The following DENND11 variants were observed in gnomAD, a reference collection of about 807,000 sequenced individuals.
DENND11 encodes the protein DENN domain containing 11.
DENND11 carries 34 observed loss-of-function variants against 49.2 expected under a neutral mutation model. That is an observed-to-expected ratio of 0.69 (90% confidence interval 0.53 to 0.92). The LOEUF is 0.92. DENND11 is among the 40% of genes least tolerant of loss of function. DENND11 has a pLI of 0.00. For synonymous variants in DENND11, 238 were observed against 230.3 expected (o/e 1.03, Z -0.30); for missense variants, 475 against 581.6 (o/e 0.82, Z 1.88).
chr7:141,665,805 G>A (rs1797885820), intron 5 of DENND11, among the ~76,000 whole-genome samples: 1 of 151,924 alleles, frequency 6.6e-6, no homozygotes, highest in Admixed American at 6.6e-5. Context: ...AACGCCCACA[G>A]GTCCCGACCC....
intron 1 of DENND11, among the ~76,000 whole-genome samples, chr7:141,694,927 C>T (rs1222543608): frequency 6.6e-6 from 1 of 152,182 alleles, no homozygotes; most frequent in Non-Finnish European, 1.5e-5. Context: ...CAGCCCCCCT[C>T]CCACCACACA....
At chr7:141,686,813 C>G (rs1356798591) in intron 1 of DENND11, among the ~76,000 whole-genome samples, 155 bp from the exon 2 acceptor site, 1 of 152,230 alleles carries the variant, frequency 6.6e-6, no homozygotes, top group Admixed American at 6.5e-5. Context: ...CCCTCCATCA[C>G]TGGCAGGGGT....
At chr7:141,690,640 A>C (rs1191270116) in intron 1 of DENND11, among the ~76,000 whole-genome samples, 1 of 152,236 alleles carries the variant, frequency 6.6e-6, no homozygotes, top group African/African-American at 2.4e-5. Flanking sequence ...TAGGAATAGA[A>C]TTGCTTTAAA....
At chr7:141,672,509 T>A (rs1378605661) in intron 4 of DENND11, among the ~76,000 whole-genome samples, 1 of 152,192 alleles carries the variant, frequency 6.6e-6, no homozygotes, top group Non-Finnish European at 1.5e-5. Context: ...TACTGAGGCC[T>A]TCAGTTCAAA....
chr7:141,678,575 T>TCCATAGATCC (rs1347075059), intron 3 of DENND11, among the ~76,000 whole-genome samples: 3 of 152,230 alleles, frequency 2.0e-5, no homozygotes, highest in Non-Finnish European at 4.4e-5. Flanking sequence ...TCCATATGGT[T>TCCATAGATCC]ATATCTATAC....
Position 141,672,051 on chromosome 7 carries a change from C to T in DENND11, c.681+2016G>A, listed in dbSNP as rs74959835. Among the ~76,000 whole-genome samples, 610 of 152,338 alleles carry T rather than the reference C, an allele frequency of 4.0e-3. 4 individuals are homozygous for T. The highest frequency in any genetic ancestry group is 0.014 in the African/African-American group (566 of 41,586). On this transcript the variant is annotated intron_variant, in intron 4 of 8. Coordinates refer to ENST00000536163, the MANE Select transcript of DENND11 (RefSeq NM_001080392.2). ...CAGAAGACACCTATGACTCCAGCCT[C>T]CAGCTTTCCTTAGCATGCACAGCAC... is the stretch of plus-strand genomic sequence containing the variant.
Position 141,686,671 on chromosome 7 carries a change from G to A in DENND11, c.269-13C>T. The A allele has an allele frequency of 2.5e-6, 4 of 1,575,832 alleles. No individual in the cohort carries two copies. Among genetic ancestry groups the A allele is most frequent in the Non-Finnish European group, 3.5e-6 (4 of 1,148,312 alleles). ...TCTACCATGTTTCCTGCAGGAAAAG[G>A]AAGATGCAAGTTAAAAGAAACAACA... On this transcript the variant is annotated splice_polypyrimidine_tract_variant and intron_variant, in intron 1 of 8. Transcript: ENST00000536163.
chr7:141,657,079 G>C lies in DENND11; in HGVS notation c.*5577C>G, dbSNP rs1216480946. ...TCTCTCGTATTGCTATAACTCTTAG[G>C]CTGGGGTATTAATCAAAATAGGATT... On this transcript the variant is annotated 3_prime_UTR_variant, in exon 9 of 9. Coordinates refer to ENST00000536163, the MANE Select transcript of DENND11 (RefSeq NM_001080392.2). 6.6e-6 allele frequency: 1 copy of C among 152,592 alleles called. No homozygotes were observed. Among genetic ancestry groups the C allele is most frequent in the African/African-American group, 2.4e-5 (1 of 41,426 alleles). 9.5% of individuals were successfully genotyped at this position (152,592 alleles called of 1,614,324 possible). A position where few individuals can be genotyped will look rare whatever the true frequency, so the allele number is the denominator to read the frequency against.
chr7:141,686,547 A>G lies in DENND11; in HGVS notation c.368+12T>C, dbSNP rs534459898. The G allele has an allele frequency of 9.9e-4, 1,547 of 1,560,856 alleles. 33 individuals carry two copies. The South Asian group carries it at 0.017, about 17-fold the overall frequency. ...AATGGTACGAAGATGACTCCAGTTC[A>G]GAAGTACTTACATGAAATCAGATTG... On this transcript the variant is annotated intron_variant, in intron 2 of 8. Transcript: ENST00000536163.
chr7:141,701,633 C>A, intron 1 of DENND11: 1 of 248,016 alleles, frequency 4.0e-6, no homozygotes, highest in East Asian at 7.4e-5. Context: ...GAGAGGAGGT[C>A]GGCGGGGCTG....
At chr7:141,663,437 T>G (rs1446870797) in intron 8 of DENND11, 1 of 152,382 alleles carries the variant, frequency 6.6e-6, no homozygotes, top group Admixed American at 6.5e-5. Context: ...GCCTGGTGCC[T>G]GAAGCGGCCC....
intron 1 of DENND11, among the ~76,000 whole-genome samples, chr7:141,692,870 A>G (rs1435023094): frequency 6.6e-6 from 1 of 152,196 alleles, no homozygotes; most frequent in East Asian, 1.9e-4. Flanking sequence ...TTTTTAAAAT[A>G]TGTAAACCAA....
chr7:141,662,667 A>G lies in DENND11; in HGVS notation c.1357T>C (p.Cys453Arg). ...CCTGTTGGCTCCTCCTACGGGCAAC[A>G]GGGGTTGTCGATAACCAGCATGACA... ...IDVMLVIDNP[C>R]CP Residue 453 changes from cysteine (C) to arginine (R), a missense_variant, in exon 9 of 9, where the codon TGT becomes CGT. Coordinates refer to ENST00000536163, the MANE Select transcript of DENND11 (RefSeq NM_001080392.2). 7.5e-6 allele frequency: 12 copies of G among 1,590,812 alleles called. No homozygotes were observed. The highest frequency in any genetic ancestry group is 1.0e-5 in the Non-Finnish European group (12 of 1,169,558).
intron 1 of DENND11, among the ~76,000 whole-genome samples, chr7:141,695,579 CT>C (rs1175145054): frequency 1.3e-5 from 2 of 152,212 alleles, no homozygotes; most frequent in Non-Finnish European, 2.9e-5. Flanking sequence ...CAGAAAGAAA[CT>C]CATCCTGACT....
At position 141,656,859 on chromosome 7, in the gene DENND11, C is replaced by T. The variant is rs1312149829; in HGVS notation, c.*5797G>A. On this transcript the variant is annotated 3_prime_UTR_variant, in exon 9 of 9. Coordinates refer to ENST00000536163, the MANE Select transcript of DENND11 (RefSeq NM_001080392.2). ...CATAGATGTTATTTGTACCACAGAA[C>T]AAAATCAATTCAAGAAACATTTACT... 6.5e-6 allele frequency: 1 copy of T among 152,936 alleles called. No individual in the cohort carries two copies. The highest frequency in any genetic ancestry group is 2.4e-5 in the African/African-American group (1 of 41,418). The allele number at this position is 152,936 out of a possible 1,614,324, so 9.5% of individuals were successfully genotyped here.
chr7:141,664,207 T>C lies in DENND11; in HGVS notation c.1137A>G (p.Glu379=). The part of the protein sequence containing the change: ...QMLLYSQEVE[E]DYNPCEEDLF... ...GGTCCTCTTCACAAGGGTTGTAGTCTTCTTCTACTTCCTGGGAGTACAACA... is the reference window on the plus strand; with the variant it reads ...GGTCCTCTTCACAAGGGTTGTAGTCCTCTTCTACTTCCTGGGAGTACAACA... The change falls in exon 8 of 9, where the codon GAA becomes GAG. Residue 379 remains glutamate, a synonymous_variant. Transcript: ENST00000536163. The C allele has an allele frequency of 6.3e-7, 1 of 1,584,588 alleles. No homozygotes were observed. Among genetic ancestry groups the C allele is most frequent in the Non-Finnish European group, 8.6e-7 (1 of 1,163,834 alleles).
Position 141,683,645 on chromosome 7 carries a change from C to CAAACAA in DENND11, c.527+1827_527+1832dup, listed in dbSNP as rs554557590. The stretch of plus-strand genomic sequence containing the variant: ...GCGACAGAGTGAGACTCCATCTCAA[C>CAAACAA]AAACAAAAACAACAACAACAAAACA... On this transcript the variant is annotated intron_variant, in intron 3 of 8. Coordinates refer to ENST00000536163, the MANE Select transcript of DENND11 (RefSeq NM_001080392.2). 1.4e-3 allele frequency among the ~76,000 whole-genome samples: 212 copies of CAAACAA among 152,024 alleles called. 1 individual carries two copies. The highest frequency in any genetic ancestry group is 2.9e-3 in the South Asian group (14 of 4,812).
chr7:141,700,426 G>C (rs1798490486), intron 1 of DENND11, among the ~76,000 whole-genome samples: 1 of 146,178 alleles, frequency 6.8e-6, no homozygotes, highest in Non-Finnish European at 1.5e-5. Context: ...TTAAAAAAAA[G>C]AGAAAAGAGC....
intron 5 of DENND11, among the ~76,000 whole-genome samples, chr7:141,665,979 C>T (rs1323341704): frequency 6.6e-6 from 1 of 151,510 alleles, no homozygotes; most frequent in Non-Finnish European, 1.5e-5. Flanking sequence ...CCACTGCAAC[C>T]TCACACACAT....
Sources: allele counts gnomAD v4.1 joint callset (sites outside exome capture counted in the v4.1 genomes callset), GRCh38; gene constraint gnomAD v4.1.1; transcripts MANE v1.5; gene names NCBI Gene and HGNC (gene_info 2026-07-23, HGNC 2026-07-21).